KIF26B: variants seen among roughly 807,000 people sequenced by gnomAD.
KIF26B encodes kinesin family member 26B, also known as kinesin-like protein KIF26B.
KIF26B carries 63 observed loss-of-function variants against 151.2 expected under a neutral mutation model. The observed-to-expected ratio is 0.42, with a 90% CI of 0.34 to 0.51. KIF26B has a LOEUF of 0.51. Ranked by LOEUF, KIF26B falls within the 20% of genes least tolerant of loss-of-function variation. KIF26B has a pLI of 0.07. For synonymous variants in KIF26B, 1,357 were observed against 1,262.1 expected (o/e 1.08, Z -1.59); for missense variants, 2,813 against 2,913.6 (o/e 0.97, Z 0.79).
At chr1:245,430,272 T>C (rs899463106) in intron 4 of KIF26B, among the ~76,000 whole-genome samples, 7 of 151,754 alleles carry the variant, frequency 4.6e-5, no homozygotes, top group South Asian at 2.1e-4. Flanking sequence ...TAGTATATGT[T>C]GCGTAAATTT....
At chr1:245,586,849 G>A (rs1312030675) in intron 5 of KIF26B, among the ~76,000 whole-genome samples, 2 of 148,492 alleles carry the variant, frequency 1.3e-5, no homozygotes, top group African/African-American at 5.0e-5. Context: ...TTGCGCCACT[G>A]CAGTCCGCAG....
At position 245,685,413 on chromosome 1, in the gene KIF26B, C is replaced by T. The variant is rs1272833509; in HGVS notation, c.2430C>T (p.Ser810=). The stretch of plus-strand genomic sequence containing the variant: ...TGCCGTCTCACTCACAGTACACATC[C>T]AGCTCGTCCGGCGGGGAGAGCTCCT... ...RMKKKKTKYT[S]SSSGGESSCE... is the part of the protein sequence containing the mutation. The change falls in exon 12 of 15, where the codon TCC becomes TCT. Residue 810 remains serine, a synonymous_variant. Coordinates refer to ENST00000407071, the MANE Select transcript of KIF26B (RefSeq NM_018012.4). 6.8e-6 allele frequency: 11 copies of T among 1,609,934 alleles called. No homozygotes were observed. The highest frequency in any genetic ancestry group is 9.3e-6 in the Non-Finnish European group (11 of 1,177,750).
chr1:245,447,656 G>C (rs979952101), intron 4 of KIF26B, among the ~76,000 whole-genome samples: 3 of 152,070 alleles, frequency 2.0e-5, no homozygotes, highest in Non-Finnish European at 4.4e-5. Context: ...GGCAAAAGCA[G>C]CTTTTCATAA....
At chr1:245,258,090 C>T (rs539940201) in intron 2 of KIF26B, among the ~76,000 whole-genome samples, 1 of 152,058 alleles carries the variant, frequency 6.6e-6, no homozygotes, top group Non-Finnish European at 1.5e-5. Context: ...TGAGAGCAGC[C>T]CAGGCCTGGG....
Position 245,432,398 on chromosome 1 carries a change from A to G in KIF26B, c.1166+12653A>G, listed in dbSNP as rs148352834. Among the ~76,000 whole-genome samples, 3 of 152,304 alleles carry G rather than the reference A, an allele frequency of 2.0e-5. No individual in the cohort carries two copies. In the East Asian group the frequency reaches 5.8e-4, roughly 29 times the overall value. On this transcript the variant is annotated intron_variant, in intron 4 of 14. Coordinates refer to ENST00000407071, the MANE Select transcript of KIF26B (RefSeq NM_018012.4). ...ATTACAGTGGGAGTACCTGGTTGTCATTTCAAGATGAGGATTTGTTAAGGG... is the reference window on the plus strand; with the variant it reads ...ATTACAGTGGGAGTACCTGGTTGTCGTTTCAAGATGAGGATTTGTTAAGGG...
intron 3 of KIF26B, chr1:245,370,638 G>T (rs551522653): frequency 2.2e-6 from 1 of 456,668 alleles, no homozygotes; most frequent in African/African-American, 2.0e-5. Context: ...CTGCGCCAGC[G>T]CTGATGAGCG....
intron 4 of KIF26B, among the ~76,000 whole-genome samples, chr1:245,430,462 C>T (rs527372141): frequency 1.6e-4 from 24 of 152,006 alleles, no homozygotes; most frequent in Non-Finnish European, 2.2e-4. Context: ...GCCAGGAGTT[C>T]AAGACCAGCC....
chr1:245,419,446 C>T (rs550542941), intron 3 of KIF26B, 133 bp from the exon 4 acceptor site: 7 of 681,282 alleles, frequency 1.0e-5, no homozygotes, highest in East Asian at 3.1e-5. Context: ...TAAGCATCCA[C>T]GTGTAACTGA....
intron 2 of KIF26B, among the ~76,000 whole-genome samples, chr1:245,325,567 C>T (rs778216092): frequency 2.0e-5 from 3 of 152,078 alleles, no homozygotes; most frequent in Non-Finnish European, 2.9e-5. Context: ...ACAAAATTAG[C>T]GGGCGTGGTG....
At chr1:245,208,553 A>G (rs2103542115) in intron 2 of KIF26B, among the ~76,000 whole-genome samples, 1 of 152,318 alleles carries the variant, frequency 6.6e-6, no homozygotes, top group East Asian at 1.9e-4. Flanking sequence ...GGGTACGTGC[A>G]CAGAAAGTCC....
chr1:245,297,188 CA>C (rs1317780570), intron 2 of KIF26B, among the ~76,000 whole-genome samples: 1 of 152,058 alleles, frequency 6.6e-6, no homozygotes, highest in Non-Finnish European at 1.5e-5. Flanking sequence ...ACTAAAAATA[CA>C]AAAATTAGCC....
chr1:245,680,413 C>T (rs1444002351), intron 10 of KIF26B, among the ~76,000 whole-genome samples: 1 of 152,182 alleles, frequency 6.6e-6, no homozygotes, highest in African/African-American at 2.4e-5. Flanking sequence ...CTTCTTTCCA[C>T]AATGTAGACT....
At chr1:245,243,305 G>A (rs542284516) in intron 2 of KIF26B, among the ~76,000 whole-genome samples, 1 of 152,216 alleles carries the variant, frequency 6.6e-6, no homozygotes, top group East Asian at 1.9e-4. Flanking sequence ...TGGTGAGATT[G>A]ACCATCTTTG....
chr1:245,604,286 C>T (rs1412662349), intron 6 of KIF26B, among the ~76,000 whole-genome samples: 1 of 152,178 alleles, frequency 6.6e-6, no homozygotes, highest in Non-Finnish European at 1.5e-5. Flanking sequence ...TTTGCAGCCT[C>T]TGTGAATTTC....
chr1:245,565,591 C>G (rs968865949), intron 5 of KIF26B, among the ~76,000 whole-genome samples: 4 of 152,056 alleles, frequency 2.6e-5, no homozygotes, highest in African/African-American at 9.7e-5. Context: ...CGCCGAGCCT[C>G]TGATGCGTTC....
intron 4 of KIF26B, among the ~76,000 whole-genome samples, chr1:245,451,890 A>G (rs12027826): frequency 0.24 from 36,245 of 152,032 alleles, 4,487 homozygotes; most frequent in East Asian, 0.31. Context: ...ATGAGCCACC[A>G]TGCCTGGCTA....
intron 4 of KIF26B, among the ~76,000 whole-genome samples, chr1:245,504,932 G>T (rs926680907): frequency 5.3e-5 from 8 of 152,128 alleles, no homozygotes; most frequent in Non-Finnish European, 1.0e-4. Flanking sequence ...GGAAAATTAA[G>T]CAATAAAATA....
At chr1:245,458,352 C>A (rs1327176696) in intron 4 of KIF26B, among the ~76,000 whole-genome samples, 2 of 152,160 alleles carry the variant, frequency 1.3e-5, no homozygotes, top group African/African-American at 2.4e-5. Flanking sequence ...ACCGAAGCAG[C>A]CTTCCTAGAG....
At chr1:245,267,162 T>C (rs931432169) in intron 2 of KIF26B, among the ~76,000 whole-genome samples, 3 of 152,238 alleles carry the variant, frequency 2.0e-5, no homozygotes, top group Non-Finnish European at 2.9e-5. Context: ...TAAGCTATGA[T>C]ACAAATATTC....
Sources: allele counts gnomAD v4.1 joint callset (sites outside exome capture counted in the v4.1 genomes callset), GRCh38; gene constraint gnomAD v4.1.1; transcripts MANE v1.5; gene names NCBI Gene and HGNC (gene_info 2026-07-23, HGNC 2026-07-21).